The following TTC6 variants were observed in gnomAD, a reference collection of about 807,000 sequenced individuals.
TTC6 encodes tetratricopeptide repeat domain 6, also known as tetratricopeptide repeat protein 6.
In TTC6, 172 loss-of-function variants were observed where a neutral mutation model predicts 210.4. The ratio of observed to expected loss-of-function variants is 0.82; its 90% CI spans 0.72 to 0.93. TTC6 has a LOEUF of 0.93. TTC6 is among the 40% of genes least tolerant of loss of function. The pLI, the probability that TTC6 is intolerant of heterozygous loss-of-function variation, is 0.00. For synonymous variants in TTC6, 804 were observed against 819.6 expected, an observed-to-expected ratio of 0.98 and a Z score of 0.32; for missense variants, 2,414 against 2,318.1, an observed-to-expected ratio of 1.04 and a Z score of -0.85.
intron 7 of TTC6, among the ~76,000 whole-genome samples, chr14:37,727,291 AT>A (rs368293440): frequency 0.28 from 25,747 of 92,052 alleles, 1,863 homozygotes; most frequent in Admixed American, 0.38. Context: ...TATTTTTCTA[AT>A]TTTTTTTTTT....
chr14:37,685,287 A>G (rs1046439848), intron 3 of TTC6, among the ~76,000 whole-genome samples: 5 of 152,212 alleles, frequency 3.3e-5, no homozygotes, highest in African/African-American at 1.2e-4. Flanking sequence ...TGAGTAATCT[A>G]TTGCATTTAG....
intron 2 of TTC6, among the ~76,000 whole-genome samples, chr14:37,612,252 A>G (rs1337170879): frequency 6.6e-6 from 1 of 152,154 alleles, no homozygotes; most frequent in Non-Finnish European, 1.5e-5. Flanking sequence ...CATGTAACCA[A>G]TCACGGATCT....
chr14:37,622,289 A>T, exon 1 of TTC6: 1 of 1,534,940 alleles, frequency 6.5e-7, no homozygotes, highest in South Asian at 1.2e-5. Context: ...CGTCGAGAAG[A>T]TACCCTTCGC....
Position 37,665,104 on chromosome 14 carries a change from G to A in TTC6, c.940-15047G>A, listed in dbSNP as rs148681454. 6.3e-3 allele frequency among the ~76,000 whole-genome samples: 946 copies of A among 150,450 alleles called. 76 individuals carry two copies. Among genetic ancestry groups the A allele is most frequent in the Non-Finnish European group, 0.011 (726 of 66,968 alleles). ...AGACAGTGTGGCAATTCCTCAAATA[G>A]CTTGAGGCAGAAATACCATTTGACC... On this transcript the variant is annotated intron_variant, in intron 1 of 30. Coordinates refer to ENST00000553443, the Ensembl canonical transcript of TTC6.
chr14:37,764,641 T>C (rs189743419), intron 14 of TTC6, among the ~76,000 whole-genome samples: 1 of 152,298 alleles, frequency 6.6e-6, no homozygotes, highest in Admixed American at 6.5e-5. Context: ...ATCCTTTCAC[T>C]TTCAACCGAT....
chr14:37,684,159 G>A (rs1957591), intron 3 of TTC6, among the ~76,000 whole-genome samples: 152,238 of 152,298 alleles, frequency 1, 76,089 homozygotes, highest in Non-Finnish European at 1. Flanking sequence ...AAGGCTTGGA[G>A]TTTCCCAAAT....
At chr14:37,635,901 C>T (rs1467826334) in intron 1 of TTC6, among the ~76,000 whole-genome samples, 1 of 149,790 alleles carries the variant, frequency 6.7e-6, no homozygotes, top group East Asian at 2.0e-4. Context: ...ATTGCCTTAA[C>T]CCAGGAGATG....
At chr14:37,818,776 G>T (rs141925512) in intron 26 of TTC6, among the ~76,000 whole-genome samples, 28 of 152,192 alleles carry the variant, frequency 1.8e-4, no homozygotes, top group Admixed American at 7.9e-4. Context: ...TCTTACCATT[G>T]TCTATTTTAA....
intron 14 of TTC6, among the ~76,000 whole-genome samples, chr14:37,770,548 C>T (rs1412031531): frequency 1.3e-5 from 2 of 151,904 alleles, no homozygotes; most frequent in Non-Finnish European, 2.9e-5. Context: ...ATCCCTTTAC[C>T]ATTATGTAAT....
intron 1 of TTC6, among the ~76,000 whole-genome samples, chr14:37,644,330 T>G (rs1407795494): frequency 6.6e-6 from 1 of 152,238 alleles, no homozygotes; most frequent in African/African-American, 2.4e-5. Flanking sequence ...TCCTGCCATT[T>G]GAGTGCTCCA....
At chr14:37,787,915 G>GTGTGTGTGTGTGTGTGTT (rs1277294639) in intron 15 of TTC6, among the ~76,000 whole-genome samples, 2 of 151,402 alleles carry the variant, frequency 1.3e-5, no homozygotes, top group African/African-American at 4.9e-5. Context: ...GTGTGTGTGT[G>GTGTGTGTGTGTGTGTGTT]TGTGTGTGTT....
At chr14:37,701,574 A>G in intron 5 of TTC6, 48 bp downstream of exon 7, 1 of 1,370,820 alleles carries the variant, frequency 7.3e-7, no homozygotes, top group Non-Finnish European at 9.5e-7. Flanking sequence ...GTAAACTGTC[A>G]TATAAATCCT....
intron 7 of TTC6, 104 bp from the exon 10 acceptor site, chr14:37,735,817 T>C (rs34516219): frequency 0.054 from 33,122 of 615,596 alleles, 1,124 homozygotes; most frequent in Non-Finnish European, 0.067. Flanking sequence ...ATGTTTTCTC[T>C]TTGGTTCTTT....
chr14:37,658,834 G>T (rs1213060201), intron 1 of TTC6, among the ~76,000 whole-genome samples: 2 of 152,054 alleles, frequency 1.3e-5, no homozygotes, highest in Non-Finnish European at 2.9e-5. Context: ...ATAAACTCAC[G>T]TCATGGGGAT....
At chr14:37,799,385 T>G (rs749295162) in intron 20 of TTC6, among the ~76,000 whole-genome samples, 1 of 152,208 alleles carries the variant, frequency 6.6e-6, no homozygotes, top group Non-Finnish European at 1.5e-5. Flanking sequence ...TTTATAGTCC[T>G]TATCTTCATT....
At position 37,796,278 on chromosome 14, in the gene TTC6, C is replaced by A; in HGVS notation, c.3792-16C>A. On this transcript the variant is annotated splice_polypyrimidine_tract_variant and intron_variant, in intron 18 of 30. Coordinates refer to ENST00000553443, the Ensembl canonical transcript of TTC6. ...ATTTTTAGCTGCTTAGAATCAAAAT[C>A]GATTATTTCTTCCAGAGGACAATAT... 1 of 1,139,814 alleles carries A rather than the reference C, an allele frequency of 8.8e-7. No homozygotes were observed. Among genetic ancestry groups the A allele is most frequent in the East Asian group, 2.7e-5 (1 of 37,468 alleles). 70.6% of individuals were successfully genotyped at this position (1,139,814 alleles called of 1,614,324 possible). A position where few individuals can be genotyped will look rare whatever the true frequency, so the allele number is the denominator to read the frequency against.
At chr14:37,721,336 A>G (rs1169508825) in intron 6 of TTC6, among the ~76,000 whole-genome samples, 2 of 152,156 alleles carry the variant, frequency 1.3e-5, no homozygotes, top group East Asian at 3.9e-4. Flanking sequence ...TAACTCTTCA[A>G]ATGTTGACAC....
chr14:37,739,007 T>C (rs762959648), exon 10 of TTC6: 93 of 1,535,550 alleles, frequency 6.1e-5, no homozygotes, highest in Non-Finnish European at 8.1e-5. Flanking sequence ...AAATCTCTCT[T>C]TGACTCTCAT....
At chr14:37,647,389 A>T (rs2095703521) in intron 1 of TTC6, among the ~76,000 whole-genome samples, 1 of 152,226 alleles carries the variant, frequency 6.6e-6, no homozygotes, top group Non-Finnish European at 1.5e-5. Context: ...TCATGGTGAC[A>T]GTGGGAAGGA....
Sources: gnomAD v4.1 joint callset for allele counts (sites outside exome capture counted in the v4.1 genomes callset) on GRCh38, gnomAD v4.1.1 for gene constraint, MANE v1.5 for transcripts, NCBI Gene and HGNC (gene_info 2026-07-23, HGNC 2026-07-21) for gene names.